GSG1L: variants seen among roughly 807,000 people sequenced by gnomAD.
GSG1L encodes the protein GSG1 like, also known as germ cell-specific gene 1-like protein.
In GSG1L, 24 loss-of-function variants were observed where a neutral mutation model predicts 42.1. That is an observed-to-expected ratio of 0.57 (90% CI 0.41 to 0.80). The LOEUF (loss-of-function observed/expected upper bound fraction) is 0.80. Ranked by LOEUF, GSG1L falls within the 30% of genes least tolerant of loss-of-function variation. The probability of loss-of-function intolerance (pLI) is 0.00; values close to 1 mark genes in which losing one functional copy is unlikely to be tolerated. For missense variants in GSG1L, 445 were observed against 472.2 expected (o/e 0.94, Z 0.53); for synonymous variants, 215 against 203.5 (o/e 1.06, Z -0.48).
chr16:27,901,517 A>G (rs705918), intron 2 of GSG1L, among the ~76,000 whole-genome samples: 136,680 of 152,222 alleles, frequency 0.9, 61,386 homozygotes, highest in South Asian at 0.96. Context: ...CTAAGGCAGA[A>G]TGAAGAATCT....
chr16:27,927,149 T>C (rs2084603305), intron 2 of GSG1L, among the ~76,000 whole-genome samples: 1 of 152,054 alleles, frequency 6.6e-6, no homozygotes, highest in South Asian at 2.1e-4. Context: ...TTTTCTTTTC[T>C]TTTCTTTTTC....
rs71140916 is a variant in GSG1L at position 27,874,441 on chromosome 16, C to CTT, written c.550+10043_550+10044dup. ...TCTGGACACTGAAGCACAGGAGAGC[C>CTT]TTTTTTTTTTTTTTTTTTTTTTTTT... On this transcript the variant is annotated intron_variant, in intron 3 of 6. Transcript: ENST00000447459. Among the ~76,000 whole-genome samples the CTT allele has an allele frequency of 4.1e-3, 386 of 94,374 alleles. 49 individuals carry two copies. The highest frequency in any genetic ancestry group is 0.012 in the African/African-American group (311 of 26,902). The allele number at this position is 94,374 out of a possible 152,430, so 61.9% of individuals were successfully genotyped here. A position where few individuals can be genotyped will look rare whatever the true frequency, so the allele number is the denominator to read the frequency against.
intron 4 of GSG1L, among the ~76,000 whole-genome samples, chr16:27,838,500 G>A (rs2083344344): frequency 6.6e-6 from 1 of 152,166 alleles, no homozygotes; most frequent in Non-Finnish European, 1.5e-5. Flanking sequence ...GAGCAGATTG[G>A]ACACCATAGG....
chr16:27,922,456 A>G (rs1464070527), intron 2 of GSG1L, among the ~76,000 whole-genome samples: 1 of 152,200 alleles, frequency 6.6e-6, no homozygotes, highest in Non-Finnish European at 1.5e-5. Context: ...CTACTCAATG[A>G]TAATAGATCA....
At chr16:27,923,113 G>T (rs2084545802) in intron 2 of GSG1L, among the ~76,000 whole-genome samples, 1 of 152,132 alleles carries the variant, frequency 6.6e-6, no homozygotes, top group Non-Finnish European at 1.5e-5. Context: ...CTATTTGCAT[G>T]AACTGATTTG....
chr16:27,971,905 C>T (rs1026857669), intron 1 of GSG1L, among the ~76,000 whole-genome samples: 1 of 152,152 alleles, frequency 6.6e-6, no homozygotes, highest in Admixed American at 6.5e-5. Flanking sequence ...ATGAGAATCT[C>T]CACTTTCAAG....
At chr16:28,049,574 C>A (rs1325727256) in intron 1 of GSG1L, among the ~76,000 whole-genome samples, 1 of 151,656 alleles carries the variant, frequency 6.6e-6, no homozygotes, top group East Asian at 1.9e-4. Context: ...GTAGTCCCAG[C>A]TACTCGGAAG....
At chr16:27,924,090 T>C (rs1207318812) in intron 2 of GSG1L, among the ~76,000 whole-genome samples, 1 of 152,034 alleles carries the variant, frequency 6.6e-6, no homozygotes, top group East Asian at 1.9e-4. Context: ...GTAATATTTA[T>C]ATTTATAAAG....
chr16:27,997,032 G>A (rs150199530), intron 1 of GSG1L, among the ~76,000 whole-genome samples: 2,578 of 152,282 alleles, frequency 0.017, 31 homozygotes, highest in Non-Finnish European at 0.027. Flanking sequence ...AAAGTGCTGG[G>A]ATTCCAGGCA....
In GSG1L at chr16:27,788,116, C is replaced by T. The variant is rs705929; in HGVS notation, c.*3254G>A. On this transcript the variant is annotated 3_prime_UTR_variant, in exon 7 of 7. Transcript: ENST00000447459. Reference sequence around the variant, plus strand: ...TCCCCTGAGCCCCTGAGACTCAAGACATCTGAACCACGAAGTCTCCGTCTT... The same window carrying T: ...TCCCCTGAGCCCCTGAGACTCAAGATATCTGAACCACGAAGTCTCCGTCTT... 33,004 of 152,166 alleles carry T rather than the reference C, an allele frequency of 0.22. 4,106 individuals are homozygous for T. Among genetic ancestry groups the T allele is most frequent in the Admixed American group, 0.33 (5,089 of 15,286 alleles). 9.4% of individuals were successfully genotyped at this position (152,166 alleles called of 1,614,324 possible).
chr16:28,043,152 T>C (rs977612203), intron 1 of GSG1L, among the ~76,000 whole-genome samples: 3 of 152,218 alleles, frequency 2.0e-5, no homozygotes, highest in African/African-American at 7.2e-5. Context: ...TCTGTGTCTT[T>C]TCTGAGATGG....
chr16:27,818,612 C>T (rs118119832), intron 5 of GSG1L, among the ~76,000 whole-genome samples: 3,279 of 152,012 alleles, frequency 0.022, 59 homozygotes, highest in Non-Finnish European at 0.033. Flanking sequence ...ATCTAAGAAA[C>T]AGTCGCAGAG....
intron 3 of GSG1L, among the ~76,000 whole-genome samples, chr16:27,845,708 C>G (rs12927963): frequency 6.6e-6 from 1 of 152,136 alleles, no homozygotes; most frequent in Non-Finnish European, 1.5e-5. Context: ...TTATATTTCT[C>G]TTAGTACTAG....
At chr16:27,896,914 A>G (rs1347484217) in intron 2 of GSG1L, among the ~76,000 whole-genome samples, 1 of 152,242 alleles carries the variant, frequency 6.6e-6, no homozygotes, top group Admixed American at 6.5e-5. Flanking sequence ...CCCAGGCTGG[A>G]GTGCAGTGGC....
At chr16:27,958,946 A>T (rs943969476) in intron 2 of GSG1L, among the ~76,000 whole-genome samples, 1 of 151,570 alleles carries the variant, frequency 6.6e-6, no homozygotes, top group Non-Finnish European at 1.5e-5. Flanking sequence ...AAGTGCTGGG[A>T]TTACAGGCAT....
At chr16:27,980,726 T>C (rs548424911) in intron 1 of GSG1L, among the ~76,000 whole-genome samples, 9 of 151,760 alleles carry the variant, frequency 5.9e-5, no homozygotes, top group African/African-American at 1.9e-4. Context: ...CTACTAAAAA[T>C]ACAAAATTAG....
intron 1 of GSG1L, among the ~76,000 whole-genome samples, chr16:28,022,939 G>A: frequency 6.6e-6 from 1 of 152,090 alleles, no homozygotes; most frequent in East Asian, 1.9e-4. Flanking sequence ...CAAAGTGCTG[G>A]GATTACAGAT....
At chr16:27,917,281 T>TC (rs147967726) in intron 2 of GSG1L, among the ~76,000 whole-genome samples, 2,474 of 152,058 alleles carry the variant, frequency 0.016, 64 homozygotes, top group African/African-American at 0.057. Flanking sequence ...CCTCATGCAG[T>TC]CCTGACCTTA....
chr16:27,830,678 A>C (rs1323426086), intron 4 of GSG1L, among the ~76,000 whole-genome samples: 1 of 152,008 alleles, frequency 6.6e-6, no homozygotes. Context: ...ACCACCCCCC[A>C]CCATTCATAG....
Sources: gnomAD v4.1 joint callset for allele counts (sites outside exome capture counted in the v4.1 genomes callset) on GRCh38, gnomAD v4.1.1 for gene constraint, MANE v1.5 for transcripts, NCBI Gene and HGNC (gene_info 2026-07-23, HGNC 2026-07-21) for gene names.